Variants in AFF1 observed in about 807,000 individuals in gnomAD.
The protein encoded by AFF1 is AF4/FMR2 family member 1.
A neutral mutation model predicts 121.7 loss-of-function variants in AFF1; 48 were observed. That is an observed-to-expected ratio of 0.39 (90% CI 0.31 to 0.50). The LOEUF is 0.50. Ranked by LOEUF, AFF1 falls within the 20% of genes least tolerant of loss-of-function variation. The probability of loss-of-function intolerance (pLI) is 0.76; values close to 1 mark genes in which losing one functional copy is unlikely to be tolerated. For missense variants in AFF1, 1,523 were observed against 1,511.7 expected (o/e 1.01, Z -0.12); for synonymous variants, 613 against 563.0 (o/e 1.09, Z -1.26).
chr4:87,055,804 C>T (rs1454052690), intron 4 of AFF1, among the ~76,000 whole-genome samples: 1 of 152,156 alleles, frequency 6.6e-6, no homozygotes, highest in African/African-American at 2.4e-5. Flanking sequence ...AAGAGAGGAT[C>T]CTGGTTCATG....
rs1186950664 is a variant in AFF1, at chr4:87,110,998, ATTTTTTTTTTTTTAT to A, written c.1533+2696_1533+2710del. On this transcript the variant is annotated intron_variant, in intron 11 of 20. Transcript: ENST00000395146. ...TGGCACTTTTATCTACTTAAACTTT[ATTTTTTTTTTTTTAT>A]TTTTTTTTTTTTGAGACGGAGTCTC... Among the ~76,000 whole-genome samples, 4 of 81,046 alleles carry A rather than the reference ATTTTTTTTTTTTTAT, an allele frequency of 4.9e-5. 1 individual carries two copies. The highest frequency in any genetic ancestry group is 1.1e-4 in the African/African-American group (2 of 17,728). The allele number at this position is 81,046 out of a possible 152,430, so 53.2% of individuals were successfully genotyped here.
At chr4:87,021,135 G>C (rs1442760944) in intron 2 of AFF1, among the ~76,000 whole-genome samples, 1 of 152,092 alleles carries the variant, frequency 6.6e-6, no homozygotes, top group Admixed American at 6.6e-5. Flanking sequence ...AATTTTTGTG[G>C]CTGTTTTCTC....
chr4:87,028,820 T>A (rs1265338471), intron 2 of AFF1, among the ~76,000 whole-genome samples: 10 of 152,224 alleles, frequency 6.6e-5, no homozygotes, highest in Admixed American at 5.9e-4. Flanking sequence ...GGAGTGCATT[T>A]ATTAGAGAAA....
intron 1 of AFF1, among the ~76,000 whole-genome samples, chr4:86,941,375 G>A (rs1019251380): frequency 3.3e-5 from 5 of 151,850 alleles, no homozygotes; most frequent in South Asian, 2.1e-4. Flanking sequence ...ATAGCCAGGC[G>A]GGCCGGCCGC....
At chr4:87,079,531 A>G (rs1011549861) in intron 4 of AFF1, among the ~76,000 whole-genome samples, 1 of 152,204 alleles carries the variant, frequency 6.6e-6, no homozygotes, top group Non-Finnish European at 1.5e-5. Flanking sequence ...AAAATGTTTT[A>G]GGTTATGCAT....
chr4:87,052,307 G>A (rs141710777), intron 4 of AFF1, among the ~76,000 whole-genome samples: 2 of 152,282 alleles, frequency 1.3e-5, no homozygotes, highest in East Asian at 3.9e-4. Flanking sequence ...CAGCTACTCA[G>A]GAGGCTGAGA....
chr4:87,052,961 A>C (rs573448802), intron 4 of AFF1, among the ~76,000 whole-genome samples: 24 of 152,060 alleles, frequency 1.6e-4, no homozygotes, highest in Non-Finnish European at 2.6e-4. Context: ...TGACCTGGAA[A>C]ACTAAGAACT....
At position 87,132,253 on chromosome 4, in the gene AFF1, TTCTG is replaced by T; in HGVS notation, c.3174-14_3174-11del. ...GTATGATAGTCACGTGCAGTTTCACTTCTGTCTTTGTTCATAGCATGCGTTGCCA... is the reference window on the plus strand; with the variant it reads ...GTATGATAGTCACGTGCAGTTTCACTTCTTTGTTCATAGCATGCGTTGCCA... On this transcript the variant is annotated splice_polypyrimidine_tract_variant and intron_variant, in intron 18 of 20. Coordinates refer to ENST00000395146, the MANE Select transcript of AFF1 (RefSeq NM_001166693.3). 1.2e-6 allele frequency: 2 copies of T among 1,606,580 alleles called. No individual in the cohort carries two copies. The highest frequency in any genetic ancestry group is 1.7e-6 in the Non-Finnish European group (2 of 1,176,202).
chr4:87,071,200 G>GCC (rs1485906786), intron 4 of AFF1, among the ~76,000 whole-genome samples: 24 of 148,652 alleles, frequency 1.6e-4, no homozygotes, highest in African/African-American at 5.9e-4. Context: ...TAAATACAGG[G>GCC]TTCTAGGTTA....
At chr4:86,939,782 G>A (rs980508047) in intron 1 of AFF1, among the ~76,000 whole-genome samples, 6 of 152,212 alleles carry the variant, frequency 3.9e-5, no homozygotes, top group Admixed American at 2.6e-4. Context: ...GAAAACACAG[G>A]TGTGCTCCTC....
chr4:86,936,718 C>G (rs895761212), intron 1 of AFF1, among the ~76,000 whole-genome samples: 4 of 152,134 alleles, frequency 2.6e-5, no homozygotes, highest in Admixed American at 2.0e-4. Flanking sequence ...AGTAGATTCA[C>G]AGGAGAATGG....
intron 2 of AFF1, among the ~76,000 whole-genome samples, chr4:86,959,483 T>C (rs1415478029): frequency 7.2e-6 from 1 of 138,660 alleles, no homozygotes; most frequent in Non-Finnish European, 1.6e-5. Context: ...TTAAAGTTCC[T>C]TAATACTCTT....
intron 4 of AFF1, among the ~76,000 whole-genome samples, chr4:87,054,124 G>A (rs1731522987): frequency 1.3e-5 from 2 of 152,198 alleles, no homozygotes; most frequent in African/African-American, 4.8e-5. Context: ...CTGAAACTTG[G>A]CAGCACATCA....
At chr4:87,049,590 C>T in intron 4 of AFF1, 4 of 422,550 alleles carry the variant, frequency 9.5e-6, no homozygotes, top group African/African-American at 2.1e-5. Flanking sequence ...TTTTTTTTGG[C>T]ACCAGTGCAT....
chr4:87,032,175 G>A (rs1208460047), intron 2 of AFF1, among the ~76,000 whole-genome samples: 3 of 152,172 alleles, frequency 2.0e-5, no homozygotes, highest in Non-Finnish European at 4.4e-5. Flanking sequence ...CAATTATAGC[G>A]GGTAGTAGGA....
At chr4:86,947,701 C>A (rs17012186) in intron 1 of AFF1, among the ~76,000 whole-genome samples, 3 of 152,074 alleles carry the variant, frequency 2.0e-5, no homozygotes, top group Non-Finnish European at 2.9e-5. Context: ...GAGGTTGTTT[C>A]CAGAGTTACC....
Position 87,132,275 on chromosome 4 carries a change from C to T in AFF1, c.3178C>T (p.Arg1060Cys), listed in dbSNP as rs1468068625. 5 of 1,611,646 alleles carry T rather than the reference C, an allele frequency of 3.1e-6. No individual in the cohort carries two copies. Among genetic ancestry groups the T allele is most frequent in the Non-Finnish European group, 3.4e-6 (4 of 1,179,118 alleles). ...QEKIFAVLCM[R>C]CQSILNMAMF... ...CACTTCTGTCTTTGTTCATAGCATG[C>T]GTTGCCAGTCCATTTTGAACATGGC... Residue 1060 changes from arginine (R) to cysteine (C), a missense_variant, in exon 19 of 21, where the codon CGT becomes TGT. Arg to Cys is a radical substitution (Grantham distance 180, BLOSUM62 -3). Transcript: ENST00000395146.
intron 2 of AFF1, among the ~76,000 whole-genome samples, chr4:86,958,713 C>T (rs1042525478): frequency 4.6e-5 from 7 of 151,738 alleles, no homozygotes; most frequent in African/African-American, 7.3e-5. Flanking sequence ...GTAAGACTCT[C>T]TCAAAAAAAT....
At chr4:87,000,605 CTGTGTGTGTGTGTGTGTGTG>C (rs57615388) in intron 2 of AFF1, among the ~76,000 whole-genome samples, 1 of 146,484 alleles carries the variant, frequency 6.8e-6, no homozygotes, top group Non-Finnish European at 1.5e-5. Flanking sequence ...AAAATAAACT[CTGTGTGTGTGTGTGTGTGTG>C]TGTGTGTGTG....
Sources: gnomAD v4.1 joint callset for allele counts (sites outside exome capture counted in the v4.1 genomes callset) on GRCh38, gnomAD v4.1.1 for gene constraint, MANE v1.5 for transcripts, NCBI Gene and HGNC (gene_info 2026-07-23, HGNC 2026-07-21) for gene names.